Variants in SCAPER observed in about 807,000 individuals in gnomAD.
SCAPER encodes S phase cyclin A-associated protein in the endoplasmic reticulum.
Under a neutral mutation model 182.2 loss-of-function variants are expected in SCAPER, and 98 were observed. The observed-to-expected ratio is 0.54, with a 90% CI of 0.46 to 0.64. The LOEUF (loss-of-function observed/expected upper bound fraction) is 0.64, where lower values mean the gene tolerates loss of function less well. SCAPER is among the 30% of genes least tolerant of loss of function. The pLI is 0.00. For synonymous variants in SCAPER, 605 were observed against 564.6 expected (o/e 1.07, Z -1.01); for missense variants, 1,432 against 1,690.0 (o/e 0.85, Z 2.68).
intron 25 of SCAPER, among the ~76,000 whole-genome samples, chr15:76,435,320 T>C (rs2047129564): frequency 6.6e-6 from 1 of 152,242 alleles, no homozygotes. Context: ...CTACTTAATA[T>C]TTACCCTTTT....
intron 26 of SCAPER, among the ~76,000 whole-genome samples, chr15:76,425,724 GT>G (rs1192025914): frequency 2.6e-5 from 4 of 152,118 alleles, no homozygotes; most frequent in African/African-American, 7.2e-5. Context: ...TTTCTGCTCT[GT>G]TTTTTTCCCA....
intron 23 of SCAPER, among the ~76,000 whole-genome samples, chr15:76,556,249 T>G (rs771832091): frequency 2.5e-4 from 38 of 152,238 alleles, no homozygotes; most frequent in Middle Eastern, 3.4e-3. Context: ...CATACCAGAA[T>G]CTGTGCAACA....
At chr15:76,734,558 T>A (rs908462937) in intron 15 of SCAPER, among the ~76,000 whole-genome samples, 4 of 152,150 alleles carry the variant, frequency 2.6e-5, no homozygotes, top group African/African-American at 4.8e-5. Flanking sequence ...CACAGAAACA[T>A]CCTTCAAACT....
Position 76,351,231 on chromosome 15 carries a change from A to G in SCAPER, c.4099+6T>C. 6.2e-7 allele frequency: 1 copy of G among 1,607,730 alleles called. No individual in the cohort carries two copies. Among genetic ancestry groups the G allele is most frequent in the South Asian group, 1.1e-5 (1 of 89,496 alleles). On this transcript the variant is annotated splice_donor_region_variant and intron_variant, in intron 31 of 31. Transcript: ENST00000563290. The stretch of plus-strand genomic sequence containing the variant: ...CACATGAAATTTAATTTCAATAGAG[A>G]CATACCTTTGGGTTGGTAAGGCTGG...
At chr15:76,362,951 C>T (rs2041549887) in intron 29 of SCAPER, among the ~76,000 whole-genome samples, 3 of 152,136 alleles carry the variant, frequency 2.0e-5, no homozygotes, top group Admixed American at 2.0e-4. Context: ...TTAGAAAGCT[C>T]TCCATATTGT....
At chr15:76,883,223 A>G (rs909048707) in intron 2 of SCAPER, among the ~76,000 whole-genome samples, 2 of 152,222 alleles carry the variant, frequency 1.3e-5, no homozygotes, top group African/African-American at 4.8e-5. Flanking sequence ...GGTCACCCCA[A>G]CTATCCCAAA....
chr15:76,353,689 A>G (rs1399102106), intron 30 of SCAPER, among the ~76,000 whole-genome samples: 1 of 152,226 alleles, frequency 6.6e-6, no homozygotes, highest in East Asian at 1.9e-4. Context: ...TTTCCTGAGT[A>G]CGGGTTACCA....
At chr15:76,432,131 G>C (rs1424605540) in intron 26 of SCAPER, among the ~76,000 whole-genome samples, 1 of 152,230 alleles carries the variant, frequency 6.6e-6, no homozygotes, top group Non-Finnish European at 1.5e-5. Context: ...AAGCATGCAG[G>C]GTTGCTGCAT....
At chr15:76,387,291 T>A (rs1596383429) in intron 27 of SCAPER, among the ~76,000 whole-genome samples, 1 of 152,318 alleles carries the variant, frequency 6.6e-6, no homozygotes, top group Non-Finnish European at 1.5e-5. Flanking sequence ...AAATGTGAGA[T>A]GCCTATTATA....
intron 15 of SCAPER, among the ~76,000 whole-genome samples, chr15:76,749,927 T>C (rs1039120867): frequency 3.2e-4 from 49 of 151,684 alleles, no homozygotes; most frequent in Non-Finnish European, 1.3e-4. Context: ...ATAGCCAAAA[T>C]AGCTCAGAAA....
intron 14 of SCAPER, among the ~76,000 whole-genome samples, chr15:76,764,193 C>T (rs2062969136): frequency 6.6e-6 from 1 of 152,156 alleles, no homozygotes; most frequent in Non-Finnish European, 1.5e-5. Flanking sequence ...ACACAGAGTG[C>T]CAAAGTGCGG....
chr15:76,351,367 C>G, intron 30 of SCAPER, 79 bp from the exon 31 acceptor site: 1 of 1,267,746 alleles, frequency 7.9e-7, no homozygotes, highest in Non-Finnish European at 1.1e-6. Context: ...AAATATACTT[C>G]TGATTCATGC....
chr15:76,500,153 G>A (rs1196451328), intron 24 of SCAPER, among the ~76,000 whole-genome samples: 2 of 152,126 alleles, frequency 1.3e-5, no homozygotes, highest in Non-Finnish European at 2.9e-5. Context: ...GCAGAGTTAA[G>A]CCTGGATCTG....
chr15:76,876,085 C>T (rs2073136289), intron 2 of SCAPER, among the ~76,000 whole-genome samples: 1 of 152,218 alleles, frequency 6.6e-6, no homozygotes, highest in African/African-American at 2.4e-5. Context: ...CTAAGCCCCT[C>T]ACTGCCCGGG....
intron 23 of SCAPER, among the ~76,000 whole-genome samples, chr15:76,547,091 T>C (rs968451300): frequency 3.9e-5 from 6 of 152,198 alleles, no homozygotes; most frequent in Admixed American, 3.3e-4. Flanking sequence ...TGGGGTTGAA[T>C]AGGGAATGCA....
At chr15:76,481,975 G>A (rs142416736) in intron 24 of SCAPER, among the ~76,000 whole-genome samples, 1 of 152,160 alleles carries the variant, frequency 6.6e-6, no homozygotes, top group East Asian at 1.9e-4. Context: ...ATTGGAAGTT[G>A]GATCCGGAGG....
rs71143333 is a variant in SCAPER at position 76,488,714 on chromosome 15, C to CTTTTTTTTTTTTTTTTTTTTTTTTT, written c.2954+16120_2954+16144dup. ...TTGCATCCTGATAACAGTACACTGC[C>CTTTTTTTTTTTTTTTTTTTTTTTTT]TTTTTTTTTTTTTTTTTTTTTTTTT... On this transcript the variant is annotated intron_variant, in intron 24 of 31. Transcript: ENST00000563290. Among the ~76,000 whole-genome samples, 136 of 93,126 alleles carry CTTTTTTTTTTTTTTTTTTTTTTTTT rather than the reference C, an allele frequency of 1.5e-3. 13 individuals are homozygous for CTTTTTTTTTTTTTTTTTTTTTTTTT. Among genetic ancestry groups the CTTTTTTTTTTTTTTTTTTTTTTTTT allele is most frequent in the Non-Finnish European group, 1.7e-3 (87 of 50,568 alleles). 61.1% of individuals were successfully genotyped at this position (93,126 alleles called of 152,430 possible).
At chr15:76,888,214 G>C (rs2073961678) in intron 1 of SCAPER, among the ~76,000 whole-genome samples, 1 of 152,240 alleles carries the variant, frequency 6.6e-6, no homozygotes, top group East Asian at 1.9e-4. Context: ...AAACCACAAA[G>C]ATGGGGAGAA....
chr15:76,632,085 T>TA (rs2146257810), intron 21 of SCAPER, among the ~76,000 whole-genome samples: 1 of 152,332 alleles, frequency 6.6e-6, no homozygotes, highest in African/African-American at 2.4e-5. Context: ...TGGCGACTGA[T>TA]ACTTGTGTTT....
Sources: gnomAD v4.1 joint callset for allele counts (sites outside exome capture counted in the v4.1 genomes callset) on GRCh38, gnomAD v4.1.1 for gene constraint, MANE v1.5 for transcripts, NCBI Gene and HGNC (gene_info 2026-07-23, HGNC 2026-07-21) for gene names.